Variants in WNT7A observed in about 807,000 individuals in gnomAD.
WNT7A encodes the protein Wnt family member 7A, also known as protein Wnt-7a.
In WNT7A, 16 loss-of-function variants were observed where a neutral mutation model predicts 28.2. That is an observed-to-expected ratio of 0.57 (90% CI 0.38 to 0.86). The LOEUF (loss-of-function observed/expected upper bound fraction) is 0.86. WNT7A is among the 40% of genes least tolerant of loss of function. The probability of loss-of-function intolerance (pLI) is 0.00; values close to 1 mark genes in which losing one functional copy is unlikely to be tolerated. For missense variants in WNT7A, 411 were observed against 489.7 expected, an observed-to-expected ratio of 0.84 and a Z score of 1.52; for synonymous variants, 190 against 195.9, an observed-to-expected ratio of 0.97 and a Z score of 0.25.
chr3:13,821,053 G>T (rs1372961774), intron 3 of WNT7A, among the ~76,000 whole-genome samples: 8 of 152,204 alleles, frequency 5.3e-5, no homozygotes, highest in Non-Finnish European at 1.2e-4. Context: ...AAACAACACA[G>T]ATATCCCCAA....
chr3:13,874,816 G>C (rs1262080831), intron 2 of WNT7A, 131 bp downstream of exon 2: 2 of 921,932 alleles, frequency 2.2e-6, no homozygotes, highest in Admixed American at 4.0e-5. Flanking sequence ...GCAAGTCAAT[G>C]CACCTGCAGG....
chr3:13,858,575 C>G (rs550512048), intron 2 of WNT7A, among the ~76,000 whole-genome samples: 1 of 152,172 alleles, frequency 6.6e-6, no homozygotes, highest in Non-Finnish European at 1.5e-5. Flanking sequence ...TTTCACCCCC[C>G]CGAGCTCCAG....
chr3:13,861,844 G>A (rs1476936029), intron 2 of WNT7A, among the ~76,000 whole-genome samples: 1 of 152,196 alleles, frequency 6.6e-6, no homozygotes, highest in Non-Finnish European at 1.5e-5. Flanking sequence ...CTTGCTCAAG[G>A]TCACCAGTGA....
chr3:13,836,203 A>T (rs1402248106), intron 3 of WNT7A, among the ~76,000 whole-genome samples: 7 of 122,674 alleles, frequency 5.7e-5, no homozygotes, highest in East Asian at 2.7e-4. Context: ...TGGTTTTTAA[A>T]AAAAAAAAAA....
intron 2 of WNT7A, among the ~76,000 whole-genome samples, chr3:13,865,284 C>T (rs1050209917): frequency 1.2e-4 from 19 of 152,170 alleles, no homozygotes; most frequent in African/African-American, 4.6e-4. Context: ...TGAGTTCCCC[C>T]ATTTTATTGT....
chr3:13,861,768 C>T (rs1694836225), intron 2 of WNT7A, among the ~76,000 whole-genome samples: 1 of 152,102 alleles, frequency 6.6e-6, no homozygotes, highest in Non-Finnish European at 1.5e-5. Context: ...AGAAGAGATT[C>T]CTAGAGCCAC....
chr3:13,820,540 C>T (rs993157141), intron 3 of WNT7A, among the ~76,000 whole-genome samples: 1 of 152,142 alleles, frequency 6.6e-6, no homozygotes, highest in Non-Finnish European at 1.5e-5. Context: ...TGCTTCTTCT[C>T]CAGGTCTCAG....
At chr3:13,857,907 T>C (rs1237517173) in intron 2 of WNT7A, among the ~76,000 whole-genome samples, 1 of 152,196 alleles carries the variant, frequency 6.6e-6, no homozygotes, top group Non-Finnish European at 1.5e-5. Flanking sequence ...AAATTAACAA[T>C]GGTAGAGCAC....
intron 3 of WNT7A, among the ~76,000 whole-genome samples, chr3:13,824,015 G>T (rs1254931714): frequency 6.6e-6 from 1 of 152,090 alleles, no homozygotes; most frequent in Admixed American, 6.5e-5. Context: ...CCAGCCCCAG[G>T]GTGCTGCACC....
intron 3 of WNT7A, among the ~76,000 whole-genome samples, chr3:13,841,725 T>C (rs1484706380): frequency 6.6e-6 from 1 of 152,306 alleles, no homozygotes; most frequent in South Asian, 2.1e-4. Context: ...GGAGGCCTTC[T>C]ACAGCAGGCA....
chr3:13,841,891 C>T (rs2124845985), intron 3 of WNT7A, among the ~76,000 whole-genome samples: 1 of 152,246 alleles, frequency 6.6e-6, no homozygotes, highest in South Asian at 2.1e-4. Flanking sequence ...TCAGGAAAGG[C>T]CTCCTTGAGA....
intron 3 of WNT7A, among the ~76,000 whole-genome samples, chr3:13,829,608 A>G (rs957965919): frequency 6.6e-6 from 1 of 152,092 alleles, no homozygotes. Context: ...GTACACTGCT[A>G]TGTGCCTGCA....
chr3:13,879,711 G>C (rs761961876), intron 1 of WNT7A, 35 bp downstream of exon 1: 9 of 1,607,834 alleles, frequency 5.6e-6, no homozygotes, highest in Admixed American at 1.7e-5. Flanking sequence ...CAACTTTGTC[G>C]AAACACGCGC....
At chr3:13,828,599 C>A (rs1189656982) in intron 3 of WNT7A, among the ~76,000 whole-genome samples, 1 of 152,144 alleles carries the variant, frequency 6.6e-6, no homozygotes, top group Admixed American at 6.5e-5. Flanking sequence ...CATGGCATGG[C>A]GCAGGTCTGG....
chr3:13,830,279 G>T (rs1365132130), intron 3 of WNT7A, among the ~76,000 whole-genome samples: 1 of 152,170 alleles, frequency 6.6e-6, no homozygotes, highest in Non-Finnish European at 1.5e-5. Flanking sequence ...GGATGTGGAG[G>T]CCCCTCAACC....
At chr3:13,831,448 T>C (rs1434367432) in intron 3 of WNT7A, among the ~76,000 whole-genome samples, 2 of 152,174 alleles carry the variant, frequency 1.3e-5, no homozygotes, top group African/African-American at 4.8e-5. Flanking sequence ...TGTAGAGCTG[T>C]AATGTGGCCG....
intron 3 of WNT7A, among the ~76,000 whole-genome samples, chr3:13,843,746 C>G (rs1559299480): frequency 6.9e-6 from 1 of 145,810 alleles, no homozygotes; most frequent in Non-Finnish European, 1.5e-5. Flanking sequence ...ATGTTGGAAT[C>G]TTTTTTTTTT....
At chr3:13,837,922 C>A (rs953040203) in intron 3 of WNT7A, among the ~76,000 whole-genome samples, 16 of 152,200 alleles carry the variant, frequency 1.1e-4, no homozygotes, top group African/African-American at 3.4e-4. Context: ...TGGCGTCCAG[C>A]GTGCAGGAGC....
chr3:13,839,106 A>G (rs1194064897), intron 3 of WNT7A, among the ~76,000 whole-genome samples: 1 of 152,240 alleles, frequency 6.6e-6, no homozygotes, highest in Non-Finnish European at 1.5e-5. Flanking sequence ...GCAACTAGCA[A>G]ATGTCATATG....
Sources: allele counts gnomAD v4.1 joint callset (sites outside exome capture counted in the v4.1 genomes callset), GRCh38; gene constraint gnomAD v4.1.1; transcripts MANE v1.5; gene names NCBI Gene and HGNC (gene_info 2026-07-23, HGNC 2026-07-21).